LRRC4C: variants seen among roughly 807,000 people sequenced by gnomAD.
The protein encoded by LRRC4C is leucine-rich repeat-containing protein 4C.
LRRC4C carries 5 observed loss-of-function variants against 33.6 expected under a neutral mutation model. The observed-to-expected ratio is 0.15, with a 90% CI of 0.08 to 0.31. The LOEUF is 0.31. LRRC4C is among the 10% of genes least tolerant of loss of function. The probability of loss-of-function intolerance (pLI) is 1.00; values close to 1 mark genes in which losing one functional copy is unlikely to be tolerated. For missense variants in LRRC4C, 560 were observed against 796.7 expected (o/e 0.70, Z 3.58); for synonymous variants, 329 against 302.0 (o/e 1.09, Z -0.93).
chr11:41,136,551 G>A (rs916971963), intron 1 of LRRC4C, among the ~76,000 whole-genome samples: 1 of 152,148 alleles, frequency 6.6e-6, no homozygotes, highest in Admixed American at 6.6e-5. Context: ...TTTAAGCACT[G>A]TGTTTCATTG....
chr11:40,742,943 C>T (rs1419449628), intron 2 of LRRC4C, among the ~76,000 whole-genome samples: 1 of 151,984 alleles, frequency 6.6e-6, no homozygotes, highest in East Asian at 1.9e-4. Flanking sequence ...ATCATACCAG[C>T]ATCAGAAAAA....
chr11:40,747,866 A>G (rs1302369449), intron 2 of LRRC4C, among the ~76,000 whole-genome samples: 1 of 152,156 alleles, frequency 6.6e-6, no homozygotes, highest in East Asian at 1.9e-4. Context: ...CACTTGGACA[A>G]AAAGAAAAAA....
intron 6 of LRRC4C, among the ~76,000 whole-genome samples, chr11:40,122,399 G>A (rs1310421666): frequency 6.6e-6 from 1 of 151,960 alleles, no homozygotes; most frequent in Non-Finnish European, 1.5e-5. Context: ...TCTTTCTGAT[G>A]CTCTCCCTTC....
chr11:40,127,977 C>T (rs1164995738), intron 6 of LRRC4C, among the ~76,000 whole-genome samples: 1 of 152,168 alleles, frequency 6.6e-6, no homozygotes, highest in Admixed American at 6.5e-5. Context: ...TTTTAGTCCT[C>T]TTTCTAATTT....
intron 2 of LRRC4C, among the ~76,000 whole-genome samples, chr11:40,648,901 A>G (rs1245312112): frequency 6.6e-6 from 1 of 152,162 alleles, no homozygotes; most frequent in East Asian, 1.9e-4. Context: ...GTGACCTCAC[A>G]TATCGGTAGC....
intron 2 of LRRC4C, among the ~76,000 whole-genome samples, chr11:40,897,315 G>A (rs933043971): frequency 9.9e-5 from 15 of 152,152 alleles, no homozygotes; most frequent in Non-Finnish European, 2.9e-5. Context: ...ATCAATTACA[G>A]ACTTTGGTAA....
intron 2 of LRRC4C, among the ~76,000 whole-genome samples, chr11:40,910,917 A>C (rs2136266922): frequency 6.6e-6 from 1 of 152,338 alleles, no homozygotes; most frequent in South Asian, 2.1e-4. Flanking sequence ...CCTGGCTTGG[A>C]GGGTCCTACG....
chr11:41,278,494 A>G (rs1415116254), intron 1 of LRRC4C, among the ~76,000 whole-genome samples: 4 of 152,234 alleles, frequency 2.6e-5, no homozygotes, highest in African/African-American at 9.6e-5. Flanking sequence ...AAATACATAC[A>G]AATTCATGTC....
intron 1 of LRRC4C, among the ~76,000 whole-genome samples, chr11:41,148,484 G>C (rs576082091): frequency 6.6e-6 from 1 of 152,130 alleles, no homozygotes; most frequent in Non-Finnish European, 1.5e-5. Flanking sequence ...TTGATTTTGA[G>C]GGGTGGAGGG....
chr11:41,012,286 A>AT, intron 1 of LRRC4C, among the ~76,000 whole-genome samples: 1 of 152,166 alleles, frequency 6.6e-6, no homozygotes, highest in South Asian at 2.1e-4. Context: ...CTCTCTCTCC[A>AT]TAAGATATAC....
chr11:40,443,960 A>G (rs1259878862), intron 3 of LRRC4C, among the ~76,000 whole-genome samples: 1 of 152,208 alleles, frequency 6.6e-6, no homozygotes, highest in Non-Finnish European at 1.5e-5. Context: ...GGGAATTCAC[A>G]TTGTAAAAAA....
chr11:41,385,299 A>G (rs984964056), intron 1 of LRRC4C, among the ~76,000 whole-genome samples: 2 of 151,622 alleles, frequency 1.3e-5, no homozygotes, highest in African/African-American at 4.8e-5. Flanking sequence ...ATACTGCAGA[A>G]TATACTCTTG....
intron 1 of LRRC4C, among the ~76,000 whole-genome samples, chr11:41,296,326 T>C (rs2137044751): frequency 6.6e-6 from 1 of 152,212 alleles, no homozygotes; most frequent in Non-Finnish European, 1.5e-5. Context: ...TTTTTTTTTT[T>C]TCTTTTGAGA....
At chr11:40,133,823 G>T (rs947161289) in intron 6 of LRRC4C, among the ~76,000 whole-genome samples, 2 of 151,932 alleles carry the variant, frequency 1.3e-5, no homozygotes, top group Non-Finnish European at 2.9e-5. Flanking sequence ...TAAGCAAAAG[G>T]TCTAGCATTT....
chr11:40,259,824 C>T (rs1867544891), intron 4 of LRRC4C, among the ~76,000 whole-genome samples: 1 of 152,052 alleles, frequency 6.6e-6, no homozygotes, highest in African/African-American at 2.4e-5. Flanking sequence ...GCCTGGCCAT[C>T]AGAGAAATGC....
At chr11:40,444,002 T>C (rs1288527911) in intron 3 of LRRC4C, among the ~76,000 whole-genome samples, 1 of 152,258 alleles carries the variant, frequency 6.6e-6, no homozygotes, top group African/African-American at 2.4e-5. Flanking sequence ...TTTCATTCAA[T>C]ACAACAAATT....
chr11:41,000,686 G>A (rs1854308840), intron 1 of LRRC4C, among the ~76,000 whole-genome samples: 1 of 152,138 alleles, frequency 6.6e-6, no homozygotes, highest in African/African-American at 2.4e-5. Flanking sequence ...CCTCACTGTT[G>A]CCAGTTTTAC....
intron 2 of LRRC4C, among the ~76,000 whole-genome samples, chr11:40,649,434 G>A (rs185649041): frequency 6.6e-6 from 1 of 152,222 alleles, no homozygotes; most frequent in Admixed American, 6.5e-5. Context: ...AGAAAAATAT[G>A]GCTCTATTCT....
intron 1 of LRRC4C, among the ~76,000 whole-genome samples, chr11:40,988,081 C>T (rs1256489251): frequency 2.0e-5 from 3 of 152,060 alleles, no homozygotes; most frequent in Non-Finnish European, 4.4e-5. Context: ...ACAGCTGGTT[C>T]CTCTATAGAT....
Sources: gnomAD v4.1 joint callset for allele counts (sites outside exome capture counted in the v4.1 genomes callset) on GRCh38, gnomAD v4.1.1 for gene constraint, MANE v1.5 for transcripts, NCBI Gene and HGNC (gene_info 2026-07-23, HGNC 2026-07-21) for gene names.